Variants in CDH8 observed in about 807,000 individuals in gnomAD.
CDH8 encodes cadherin 8, also known as cadherin-8.
Under a neutral mutation model 68.1 loss-of-function variants are expected in CDH8, and 17 were observed. The ratio of observed to expected loss-of-function variants is 0.25; its 90% CI spans 0.17 to 0.37. The LOEUF (loss-of-function observed/expected upper bound fraction) is 0.37. Ranked by LOEUF, CDH8 falls within the 10% of genes least tolerant of loss-of-function variation. The probability of loss-of-function intolerance (pLI) is 1.00; values close to 1 mark genes in which losing one functional copy is unlikely to be tolerated. For synonymous variants in CDH8, 372 were observed against 365.1 expected, an observed-to-expected ratio of 1.02 and a Z score of -0.21; for missense variants, 763 against 999.3, an observed-to-expected ratio of 0.76 and a Z score of 3.19.
intron 8 of CDH8, among the ~76,000 whole-genome samples, chr16:61,764,323 G>C (rs1289855024): frequency 6.6e-6 from 1 of 152,020 alleles, no homozygotes; most frequent in African/African-American, 2.4e-5. Flanking sequence ...ATAGAAGGAG[G>C]TCAGAAGGAG....
chr16:61,735,147 T>C (rs1055289805), intron 8 of CDH8, among the ~76,000 whole-genome samples: 2 of 152,208 alleles, frequency 1.3e-5, no homozygotes, highest in Admixed American at 6.6e-5. Flanking sequence ...CCTACCTAGG[T>C]GATCTAGAAT....
At chr16:61,908,077 A>ACTG (rs1459164812) in intron 2 of CDH8, among the ~76,000 whole-genome samples, 1 of 150,212 alleles carries the variant, frequency 6.7e-6, no homozygotes, top group Non-Finnish European at 1.5e-5. Flanking sequence ...TTAACTGATC[A>ACTG]CTGCAACATG....
At chr16:61,916,914 C>T (rs997299231) in intron 2 of CDH8, among the ~76,000 whole-genome samples, 9 of 152,114 alleles carry the variant, frequency 5.9e-5, no homozygotes, top group African/African-American at 2.2e-4. Context: ...GTAGACTTCA[C>T]TTTGTCATAT....
intron 2 of CDH8, among the ~76,000 whole-genome samples, chr16:61,904,086 T>C (rs1964025770): frequency 6.6e-6 from 1 of 152,178 alleles, no homozygotes; most frequent in Non-Finnish European, 1.5e-5. Context: ...ATTTATTTCA[T>C]CCTATTATTT....
chr16:61,745,647 G>T (rs1442726107), intron 8 of CDH8, among the ~76,000 whole-genome samples: 1 of 135,898 alleles, frequency 7.4e-6, no homozygotes, highest in Non-Finnish European at 1.6e-5. Context: ...TGTTTCAGTT[G>T]ATTATATTGT....
intron 2 of CDH8, among the ~76,000 whole-genome samples, chr16:62,014,347 A>T (rs935433019): frequency 2.6e-5 from 4 of 152,206 alleles, no homozygotes; most frequent in Non-Finnish European, 5.9e-5. Flanking sequence ...AACATTGGAC[A>T]AGAGGGAGCC....
intron 6 of CDH8, among the ~76,000 whole-genome samples, chr16:61,818,360 C>T (rs1962128769): frequency 6.6e-6 from 1 of 152,044 alleles, no homozygotes; most frequent in African/African-American, 2.4e-5. Flanking sequence ...TGAATTTATG[C>T]TATGAGGCAG....
chr16:61,967,854 G>A (rs998809799), intron 2 of CDH8, among the ~76,000 whole-genome samples: 2 of 152,146 alleles, frequency 1.3e-5, no homozygotes, highest in Admixed American at 6.5e-5. Flanking sequence ...TGTTACCCAG[G>A]CTGGAGTGCA....
At chr16:61,758,236 T>C (rs887612353) in intron 8 of CDH8, among the ~76,000 whole-genome samples, 1 of 152,188 alleles carries the variant, frequency 6.6e-6, no homozygotes, top group South Asian at 2.1e-4. Flanking sequence ...CTTTGAGTCA[T>C]GTAGAAAAAA....
intron 10 of CDH8, among the ~76,000 whole-genome samples, chr16:61,661,970 A>C (rs1305220510): frequency 6.6e-6 from 1 of 151,672 alleles, no homozygotes; most frequent in African/African-American, 2.4e-5. Context: ...TTTTTTAAAA[A>C]AGAAAAAGCC....
intron 2 of CDH8, among the ~76,000 whole-genome samples, chr16:61,957,034 T>G (rs1387911671): frequency 1.3e-5 from 2 of 152,240 alleles, no homozygotes; most frequent in African/African-American, 4.8e-5. Context: ...TAGGTGTTAA[T>G]GTAATATTGC....
chr16:62,002,820 G>T (rs956125424), intron 2 of CDH8, among the ~76,000 whole-genome samples: 2 of 152,142 alleles, frequency 1.3e-5, no homozygotes, highest in Non-Finnish European at 2.9e-5. Context: ...TTGGGAGGCC[G>T]AGGTGGGCGG....
At chr16:61,674,824 A>T in intron 10 of CDH8, among the ~76,000 whole-genome samples, 1 of 152,144 alleles carries the variant, frequency 6.6e-6, no homozygotes, top group African/African-American at 2.4e-5. Flanking sequence ...ATAATATCTG[A>T]AATGAAATTT....
chr16:61,784,528 T>C (rs1483383525), intron 8 of CDH8, among the ~76,000 whole-genome samples: 1 of 145,710 alleles, frequency 6.9e-6, no homozygotes, highest in African/African-American at 2.6e-5. Context: ...GACAGATCAA[T>C]GAGACAGAAA....
At chr16:61,883,068 C>A (rs756322075) in intron 3 of CDH8, among the ~76,000 whole-genome samples, 2 of 152,114 alleles carry the variant, frequency 1.3e-5, no homozygotes, top group Non-Finnish European at 2.9e-5. Flanking sequence ...TCTGGGTAAG[C>A]CTCAAGGTTG....
intron 10 of CDH8, among the ~76,000 whole-genome samples, chr16:61,661,451 A>G (rs1455172998): frequency 2.0e-5 from 3 of 151,900 alleles, no homozygotes; most frequent in African/African-American, 7.2e-5. Flanking sequence ...TGGGACACTC[A>G]TAGACATGTA....
chr16:61,979,824 C>T (rs1965501141), intron 2 of CDH8, among the ~76,000 whole-genome samples: 1 of 152,174 alleles, frequency 6.6e-6, no homozygotes, highest in African/African-American at 2.4e-5. Flanking sequence ...TACTGCGATA[C>T]TTATTGGACA....
intron 4 of CDH8, among the ~76,000 whole-genome samples, chr16:61,827,996 G>A (rs1962378302): frequency 6.6e-6 from 1 of 151,878 alleles, no homozygotes; most frequent in Non-Finnish European, 1.5e-5. Flanking sequence ...AAATAAGGCT[G>A]AGACCTTCTG....
intron 2 of CDH8, among the ~76,000 whole-genome samples, chr16:61,972,571 G>T (rs199792103): frequency 1.5e-5 from 2 of 131,466 alleles, no homozygotes; most frequent in South Asian, 2.4e-4. Context: ...ACACATTGTG[G>T]GTGTGTGTGT....
Sources: allele counts gnomAD v4.1 joint callset (sites outside exome capture counted in the v4.1 genomes callset), GRCh38; gene constraint gnomAD v4.1.1; transcripts MANE v1.5; gene names NCBI Gene and HGNC (gene_info 2026-07-23, HGNC 2026-07-21).